The following PCNX4 variants were observed in gnomAD, a reference collection of about 807,000 sequenced individuals.
PCNX4 encodes the protein pecanex 4.
In PCNX4, 103 loss-of-function variants were observed where a neutral mutation model predicts 107.2. That is an observed-to-expected ratio of 0.96 (90% confidence interval 0.82 to 1.13). PCNX4 has a LOEUF of 1.13. PCNX4 is among the 50% of genes most tolerant of loss of function. The pLI, the probability that PCNX4 is intolerant of heterozygous loss-of-function variation, is 0.00. For missense variants in PCNX4, 1,528 were observed against 1,379.4 expected, an observed-to-expected ratio of 1.11 and a Z score of -1.71; for synonymous variants, 541 against 481.7, an observed-to-expected ratio of 1.12 and a Z score of -1.61.
Position 60,145,054 on chromosome 14 carries a change from T to C in PCNX4, c.*10833T>C, listed in dbSNP as rs1319533850. The C allele has an allele frequency of 7.3e-7, 1 of 1,368,702 alleles. No individual in the cohort carries two copies. Among genetic ancestry groups the C allele is most frequent in the Non-Finnish European group, 9.8e-7 (1 of 1,023,360 alleles). 84.8% of individuals were successfully genotyped at this position (1,368,702 alleles called of 1,614,324 possible). On this transcript the variant is annotated 3_prime_UTR_variant, in exon 11 of 11. Transcript: ENST00000406854. The surrounding 1 kb of genome is among the most constrained non-coding windows in gnomAD (Gnocchi z 4.0). ...AGAAACATGGATCAGTACCTACTCC[T>C]ATTTACTCCAGTTTTTAACATTTAA...
chr14:60,119,270 A>G (rs1895909851), intron 7 of PCNX4, among the ~76,000 whole-genome samples: 2 of 152,214 alleles, frequency 1.3e-5, no homozygotes, highest in African/African-American at 4.8e-5. Flanking sequence ...ACAGTAAACT[A>G]ATGTTATGAG....
Position 60,144,314 on chromosome 14 carries a change from T to C in PCNX4, c.*10093T>C, listed in dbSNP as rs1389884068. 1 of 152,414 alleles carries C rather than the reference T, an allele frequency of 6.6e-6. No individual in the cohort carries two copies. The highest frequency in any genetic ancestry group is 6.5e-5 in the Admixed American group (1 of 15,288). The allele number at this position is 152,414 out of a possible 1,614,324, so 9.4% of individuals were successfully genotyped here. On this transcript the variant is annotated 3_prime_UTR_variant, in exon 11 of 11. Coordinates refer to ENST00000406854, the MANE Select transcript of PCNX4 (RefSeq NM_001330177.2). ...GCTTTGTGTGAAATATTCTATACAT[T>C]TATGTTGCTATGGTTTGGATGTTTT...
intron 4 of PCNX4, 33 bp downstream of exon 4, chr14:60,115,494 C>T: frequency 6.7e-7 from 1 of 1,503,054 alleles, no homozygotes; most frequent in Non-Finnish European, 8.8e-7. Context: ...CCTTGTGTTA[C>T]AAATCATATC....
chr14:60,110,406 G>A (rs898116507), intron 2 of PCNX4: 1 of 167,286 alleles, frequency 6.0e-6, no homozygotes, highest in Non-Finnish European at 1.5e-5. Context: ...CACAGAAGCA[G>A]GACCCTCACC....
intron 8 of PCNX4, 22 bp downstream of exon 8, chr14:60,121,321 C>A: frequency 6.3e-7 from 1 of 1,597,984 alleles, no homozygotes; most frequent in Non-Finnish European, 8.5e-7. Context: ...TATAAAACAT[C>A]TGTAGTATTT....
At chr14:60,106,753 TGG>T (rs1895637528) in intron 1 of PCNX4, among the ~76,000 whole-genome samples, 1 of 87,636 alleles carries the variant, frequency 1.1e-5, no homozygotes, top group South Asian at 3.2e-4. Flanking sequence ...TTAAACTGAC[TGG>T]AAGAAAGGCT....
chr14:60,117,829 C>A (rs989809969), intron 6 of PCNX4, among the ~76,000 whole-genome samples: 1 of 151,946 alleles, frequency 6.6e-6, no homozygotes, highest in Non-Finnish European at 1.5e-5. Flanking sequence ...ATTGATTATT[C>A]GTAAATGTTC....
intron 4 of PCNX4, 119 bp from the exon 5 acceptor site, chr14:60,115,600 T>C: frequency 7.4e-7 from 1 of 1,359,190 alleles, no homozygotes. Flanking sequence ...TTTTTGTTTA[T>C]TGGCTTTTTA....
At position 60,108,073 on chromosome 14, in the gene PCNX4, T is replaced by G. The variant is rs1474148340; in HGVS notation, c.435T>G (p.Ile145Met). 1 of 1,612,884 alleles carries G rather than the reference T, an allele frequency of 6.2e-7. No homozygotes were observed. The highest frequency in any genetic ancestry group is 1.3e-5 in the African/African-American group (1 of 75,062). Reference sequence around the variant, plus strand: ...TAGCCAATACAGTTTTTCATTCTATTCTTGCTGGATTAGCGTGTGGTCTTG... The same window carrying G: ...TAGCCAATACAGTTTTTCATTCTATGCTTGCTGGATTAGCGTGTGGTCTTG... ...KYVANTVFHS[I>M]LAGLACGLGT... The change falls in exon 2 of 11, where the codon ATT becomes ATG. Residue 145 changes from isoleucine (I) to methionine (M), a missense_variant. Ile to Met is a conservative substitution (Grantham distance 10). Coordinates refer to ENST00000406854, the MANE Select transcript of PCNX4 (RefSeq NM_001330177.2).
chr14:60,124,088 G>T, intron 8 of PCNX4, 130 bp from the exon 9 acceptor site: 1 of 701,650 alleles, frequency 1.4e-6, no homozygotes, highest in South Asian at 2.5e-5. Context: ...TGTTGCTCTT[G>T]AGTTAAAGAA....
At chr14:60,129,455 T>C (rs1169606545) in intron 10 of PCNX4, among the ~76,000 whole-genome samples, 1 of 151,202 alleles carries the variant, frequency 6.6e-6, no homozygotes, top group Non-Finnish European at 1.5e-5. Context: ...CTTTAGAGGC[T>C]GAGGTGGGAG....
In PCNX4 at chr14:60,143,660, C is replaced by G. The variant is rs932272474; in HGVS notation, c.*9439C>G. On this transcript the variant is annotated 3_prime_UTR_variant, in exon 11 of 11. Coordinates refer to ENST00000406854, the MANE Select transcript of PCNX4 (RefSeq NM_001330177.2). The stretch of plus-strand genomic sequence containing the variant: ...TATGTATGCATTTATTCCATTGCTT[C>G]TACCCGCTATACCTCATCGTGTACC... 6.6e-6 allele frequency: 1 copy of G among 152,242 alleles called. No homozygotes were observed. Among genetic ancestry groups the G allele is most frequent in the Non-Finnish European group, 1.5e-5 (1 of 68,044 alleles). The allele number at this position is 152,242 out of a possible 1,614,324, so 9.4% of individuals were successfully genotyped here. A position where few individuals can be genotyped will look rare whatever the true frequency, so the allele number is the denominator to read the frequency against.
Position 60,135,698 on chromosome 14 carries a change from G to T in PCNX4, c.*1477G>T, listed in dbSNP as rs148392404. ...CTCCTGAGTAGCTGGGATTAAAGGC[G>T]CATGCCACCACGCCGGCTAATTTTT... On this transcript the variant is annotated 3_prime_UTR_variant, in exon 11 of 11. Coordinates refer to ENST00000406854, the MANE Select transcript of PCNX4 (RefSeq NM_001330177.2). 6.6e-6 allele frequency: 1 copy of T among 152,084 alleles called. No homozygotes were observed. Among genetic ancestry groups the T allele is most frequent in the Admixed American group, 6.5e-5 (1 of 15,270 alleles). The allele number at this position is 152,084 out of a possible 1,614,324, so 9.4% of individuals were successfully genotyped here.
At chr14:60,132,574 A>G (rs554802143) in intron 10 of PCNX4, among the ~76,000 whole-genome samples, 1 of 152,200 alleles carries the variant, frequency 6.6e-6, no homozygotes, top group Non-Finnish European at 1.5e-5. Flanking sequence ...TATGACACCA[A>G]AAGCATGAGA....
intron 1 of PCNX4, among the ~76,000 whole-genome samples, chr14:60,104,851 TG>T (rs1381720359): frequency 2.0e-5 from 3 of 152,116 alleles, no homozygotes; most frequent in Admixed American, 6.5e-5. Flanking sequence ...GAGATTTGGG[TG>T]GGGAAACAGC....
Position 60,107,607 on chromosome 14 carries a change from G to C in PCNX4, c.-32G>C. On this transcript the variant is annotated 5_prime_UTR_variant, in exon 2 of 11. Transcript: ENST00000406854. The stretch of plus-strand genomic sequence containing the variant: ...TTAGAAACTGCTGTGTTACAGAAAA[G>C]CATGTGACTTTCAGAATAATCCCGA... 1 of 1,537,940 alleles carries C rather than the reference G, an allele frequency of 6.5e-7. No homozygotes were observed. The highest frequency in any genetic ancestry group is 8.8e-7 in the Non-Finnish European group (1 of 1,134,122).
intron 2 of PCNX4, among the ~76,000 whole-genome samples, chr14:60,112,063 C>T (rs572955873): frequency 1.3e-5 from 2 of 152,272 alleles, no homozygotes; most frequent in South Asian, 2.1e-4. Context: ...GCAGAAGAGG[C>T]GAACCCCGCA....
chr14:60,128,817 G>C (rs980200100), intron 10 of PCNX4, among the ~76,000 whole-genome samples: 3 of 152,208 alleles, frequency 2.0e-5, no homozygotes, highest in Non-Finnish European at 4.4e-5. Context: ...ACAAAGGAAG[G>C]CAGTAGGGGC....
intron 8 of PCNX4, among the ~76,000 whole-genome samples, chr14:60,122,895 A>G (rs1595174618): frequency 6.6e-6 from 1 of 152,178 alleles, no homozygotes; most frequent in African/African-American, 2.4e-5. Flanking sequence ...TCTTTAGTCC[A>G]GTGGTTCTCA....
Sources: gnomAD v4.1 joint callset for allele counts (sites outside exome capture counted in the v4.1 genomes callset) on GRCh38, gnomAD v4.1.1 for gene constraint, Gnocchi (gnomAD v3.1) non-coding constraint, MANE v1.5 for transcripts, NCBI Gene and HGNC (gene_info 2026-07-23, HGNC 2026-07-21) for gene names.